Variants in DAB1 observed in about 807,000 individuals in gnomAD.
DAB1 encodes the protein disabled homolog 1.
In DAB1, 15 loss-of-function variants were observed where a neutral mutation model predicts 64.6. The ratio of observed to expected loss-of-function variants is 0.23; its 90% CI spans 0.16 to 0.36. The LOEUF (loss-of-function observed/expected upper bound fraction) is 0.36. Among genes scored for constraint, DAB1 ranks in the 10% least tolerant of loss-of-function variants. DAB1 has a pLI of 1.00. For synonymous variants in DAB1, 235 were observed against 251.9 expected (o/e 0.93, Z 0.64); for missense variants, 596 against 706.7 (o/e 0.84, Z 1.78).
intron 6 of DAB1, among the ~76,000 whole-genome samples, chr1:57,691,248 G>A (rs562866186): frequency 5.9e-5 from 9 of 152,000 alleles, no homozygotes; most frequent in East Asian, 3.9e-4. Context: ...ACCAATCAGC[G>A]CTCTGTGTCT....
chr1:57,841,606 G>C (rs1353485227), intron 1 of DAB1, among the ~76,000 whole-genome samples: 2 of 152,228 alleles, frequency 1.3e-5, no homozygotes, highest in African/African-American at 4.8e-5. Flanking sequence ...CAAGGCTTGG[G>C]GCTTGCACCC....
At chr1:58,249,216 C>A (rs1185194650) in intron 4 of DAB1, among the ~76,000 whole-genome samples, 2 of 151,870 alleles carry the variant, frequency 1.3e-5, no homozygotes, top group Non-Finnish European at 2.9e-5. Flanking sequence ...TCCTACTGCA[C>A]CCCCACAACC....
chr1:57,251,110 C>T (rs1669304305), intron 2 of DAB1, among the ~76,000 whole-genome samples: 1 of 152,106 alleles, frequency 6.6e-6, no homozygotes, highest in African/African-American at 2.4e-5. Flanking sequence ...GTTTTCATAC[C>T]TTGAGGTGTG....
chr1:58,265,994 T>G (rs976014004), intron 4 of DAB1, among the ~76,000 whole-genome samples: 4 of 151,696 alleles, frequency 2.6e-5, no homozygotes, highest in Admixed American at 1.3e-4. Context: ...TCACTTCAAT[T>G]TATAGGAATT....
chr1:58,455,663 G>A (rs1324983625), intron 3 of DAB1, among the ~76,000 whole-genome samples: 1 of 152,192 alleles, frequency 6.6e-6, no homozygotes, highest in Non-Finnish European at 1.5e-5. Context: ...TCACAATTTT[G>A]CTGGAGAATC....
At chr1:58,371,405 T>G (rs536949694) in intron 3 of DAB1, among the ~76,000 whole-genome samples, 12 of 152,290 alleles carry the variant, frequency 7.9e-5, no homozygotes, top group South Asian at 2.1e-4. Context: ...TACAGCAATA[T>G]GCATTCACAA....
intron 4 of DAB1, among the ~76,000 whole-genome samples, chr1:58,266,865 C>T (rs1280234277): frequency 1.1e-4 from 16 of 152,218 alleles, no homozygotes. Flanking sequence ...AGTCCGTACT[C>T]TTACTGTAAT....
intron 5 of DAB1, among the ~76,000 whole-genome samples, chr1:57,997,257 A>C (rs2406418): frequency 0.43 from 65,207 of 151,934 alleles, 14,240 homozygotes; most frequent in East Asian, 0.63. Context: ...CAGTGAGCAC[A>C]TGTACAATTT....
At chr1:58,360,173 G>A (rs544408178) in intron 3 of DAB1, among the ~76,000 whole-genome samples, 2 of 152,292 alleles carry the variant, frequency 1.3e-5, no homozygotes, top group South Asian at 2.1e-4. Flanking sequence ...CTATGAAAAT[G>A]GCAGTATGTG....
chr1:57,128,221 T>C (rs1570743258), intron 4 of DAB1, among the ~76,000 whole-genome samples: 1 of 151,598 alleles, frequency 6.6e-6, no homozygotes, highest in African/African-American at 2.4e-5. Context: ...TGAATATTTA[T>C]CTTGAAAGTT....
chr1:57,916,507 C>T (rs1644728814), intron 5 of DAB1, among the ~76,000 whole-genome samples: 3 of 152,208 alleles, frequency 2.0e-5, no homozygotes. Flanking sequence ...GAACAGCCAA[C>T]ATGGTTGGAG....
At chr1:57,553,281 A>T (rs574517701) in intron 7 of DAB1, among the ~76,000 whole-genome samples, 87 of 151,116 alleles carry the variant, frequency 5.8e-4, no homozygotes, top group African/African-American at 2.0e-3. Context: ...CTGAGAGAAC[A>T]GGTAAAAAGA....
intron 6 of DAB1, among the ~76,000 whole-genome samples, chr1:57,817,094 T>C (rs1651889651): frequency 7.0e-6 from 1 of 142,400 alleles, no homozygotes; most frequent in Non-Finnish European, 1.5e-5. Flanking sequence ...CTCAGTTTCC[T>C]TAACTTGTGG....
chr1:58,055,870 C>T (rs1406002836), intron 5 of DAB1, among the ~76,000 whole-genome samples: 1 of 133,000 alleles, frequency 7.5e-6, no homozygotes, highest in Non-Finnish European at 1.7e-5. Context: ...CAGGCATGTG[C>T]CATCACACCG....
chr1:58,122,992 C>T (rs1018822457), intron 5 of DAB1, among the ~76,000 whole-genome samples: 1 of 152,024 alleles, frequency 6.6e-6, no homozygotes, highest in Non-Finnish European at 1.5e-5. Flanking sequence ...GTGAGAAAGT[C>T]CTGAAATCTA....
At chr1:57,005,089 C>G (rs1646018227) in intron 14 of DAB1, among the ~76,000 whole-genome samples, 1 of 152,114 alleles carries the variant, frequency 6.6e-6, no homozygotes. Flanking sequence ...ATGATAATCC[C>G]TTAGGGATTG....
chr1:57,115,017 G>A (rs959765688), intron 4 of DAB1, among the ~76,000 whole-genome samples: 12 of 152,124 alleles, frequency 7.9e-5, no homozygotes, highest in African/African-American at 2.9e-4. Context: ...AAAGTGTGCA[G>A]TGCATGGCCA....
intron 5 of DAB1, among the ~76,000 whole-genome samples, chr1:58,073,453 C>G (rs1253174670): frequency 6.6e-6 from 1 of 152,158 alleles, no homozygotes; most frequent in Non-Finnish European, 1.5e-5. Flanking sequence ...AGTAGAAACT[C>G]AAAACATTCT....
At chr1:57,200,267 C>T (rs1247271886) in intron 2 of DAB1, among the ~76,000 whole-genome samples, 1 of 152,182 alleles carries the variant, frequency 6.6e-6, no homozygotes, top group East Asian at 1.9e-4. Flanking sequence ...TGCCAGAAAG[C>T]ATTCACTCAA....
Sources: allele counts gnomAD v4.1 joint callset (sites outside exome capture counted in the v4.1 genomes callset), GRCh38; gene constraint gnomAD v4.1.1; transcripts MANE v1.5; gene names NCBI Gene and HGNC (gene_info 2026-07-23, HGNC 2026-07-21).